WDR1: variants seen among roughly 807,000 people sequenced by gnomAD.
WDR1 encodes the protein WD repeat domain 1.
Under a neutral mutation model 71.9 loss-of-function variants are expected in WDR1, and 21 were observed. The ratio of observed to expected loss-of-function variants is 0.29; its 90% CI spans 0.21 to 0.42. WDR1 has a LOEUF of 0.42. Among genes scored for constraint, WDR1 ranks in the 10% least tolerant of loss-of-function variants. The pLI is 1.00. For synonymous variants in WDR1, 424 were observed against 347.4 expected (o/e 1.22, Z -2.45); for missense variants, 696 against 824.5 (o/e 0.84, Z 1.91).
intron 9 of WDR1, among the ~76,000 whole-genome samples, chr4:10,083,407 C>A (rs1202432537): frequency 6.6e-6 from 1 of 152,178 alleles, no homozygotes; most frequent in Non-Finnish European, 1.5e-5. Context: ...GAAAGGGAGC[C>A]GTGCTGAAGG....
intron 2 of WDR1, among the ~76,000 whole-genome samples, chr4:10,111,056 A>G (rs1305745635): frequency 6.6e-6 from 1 of 152,242 alleles, no homozygotes; most frequent in African/African-American, 2.4e-5. Flanking sequence ...CGCCGCCTTC[A>G]TCTTTGAGCA....
intron 5 of WDR1, among the ~76,000 whole-genome samples, chr4:10,095,213 C>G (rs1177203276): frequency 6.6e-6 from 1 of 152,278 alleles, no homozygotes; most frequent in African/African-American, 2.4e-5. Flanking sequence ...AGCCCAGACT[C>G]AGCCGTCATG....
chr4:10,106,178 T>A (rs1713003127), intron 2 of WDR1, among the ~76,000 whole-genome samples: 1 of 152,164 alleles, frequency 6.6e-6, no homozygotes, highest in African/African-American at 2.4e-5. Flanking sequence ...GTGGTGCTTA[T>A]GGGACTATAT....
intron 9 of WDR1, 51 bp downstream of exon 9, chr4:10,084,392 T>G: frequency 6.4e-7 from 1 of 1,555,906 alleles, no homozygotes; most frequent in Non-Finnish European, 8.8e-7. Flanking sequence ...AACAGGAAAT[T>G]CCCCCCTAGA....
chr4:10,087,761 C>A lies in WDR1; in HGVS notation c.897G>T (p.Gly299=). ...KDHLLSVSLS[G]YINYLDRNNP... is the part of the protein sequence containing the mutation. ...TGTTTCTGTCCAGATAGTTGATGTA[C>A]CCGGACAGGGAGACACTGAGCAGGT... The change falls in exon 8 of 15, where the codon GGG becomes GGT. Residue 299 remains glycine, a synonymous_variant. Coordinates refer to ENST00000499869, the MANE Select transcript of WDR1 (RefSeq NM_017491.5). 1 of 1,602,810 alleles carries A rather than the reference C, an allele frequency of 6.2e-7. No individual in the cohort carries two copies. The highest frequency in any genetic ancestry group is 1.1e-5 in the South Asian group (1 of 88,974).
chr4:10,099,366 C>A (rs1299852575), intron 3 of WDR1, among the ~76,000 whole-genome samples: 1 of 152,238 alleles, frequency 6.6e-6, no homozygotes, highest in South Asian at 2.1e-4. Flanking sequence ...CAGAGGCCTG[C>A]CATTTGGGCC....
intron 2 of WDR1, among the ~76,000 whole-genome samples, chr4:10,111,629 C>G (rs531327547): frequency 6.6e-6 from 1 of 152,196 alleles, no homozygotes; most frequent in Non-Finnish European, 1.5e-5. Flanking sequence ...TCTGGATACA[C>G]GCAGGTAGTC....
rs556160571 is a variant in WDR1 at position 10,080,142 on chromosome 4, T to C, written c.1285-1141A>G. Reference sequence around the variant, plus strand: ...GCACACCACAACCCTACCGGGGTCCTTTCTAACCTCCTGGGCAGCAGGCGC... The same window carrying C: ...GCACACCACAACCCTACCGGGGTCCCTTCTAACCTCCTGGGCAGCAGGCGC... On this transcript the variant is annotated intron_variant, in intron 11 of 14. Transcript: ENST00000499869. Among the ~76,000 whole-genome samples the C allele has an allele frequency of 2.7e-3, 405 of 152,302 alleles. 2 individuals carry two copies. The highest frequency in any genetic ancestry group is 3.1e-3 in the Non-Finnish European group (210 of 68,020).
chr4:10,105,256 G>A (rs1448982614), intron 2 of WDR1, among the ~76,000 whole-genome samples: 1 of 152,112 alleles, frequency 6.6e-6, no homozygotes, highest in African/African-American at 2.4e-5. Context: ...TAGCATTCCT[G>A]TCCATCTCCT....
intron 2 of WDR1, chr4:10,115,898 G>A (rs143603459): frequency 5.0e-6 from 3 of 605,222 alleles, no homozygotes; most frequent in African/African-American, 1.9e-5. Context: ...AACGAACTAA[G>A]ACTCAGTTTC....
At chr4:10,113,511 C>G (rs1193894544) in intron 2 of WDR1, among the ~76,000 whole-genome samples, 1 of 152,228 alleles carries the variant, frequency 6.6e-6, no homozygotes, top group African/African-American at 2.4e-5. Flanking sequence ...GGAGCCGAGG[C>G]CACGGTAAGG....
chr4:10,089,674 C>G (rs1273219238), intron 5 of WDR1, among the ~76,000 whole-genome samples: 2 of 152,248 alleles, frequency 1.3e-5, no homozygotes, highest in Non-Finnish European at 2.9e-5. Flanking sequence ...GCTAACAACT[C>G]TCTTGGCACA....
intron 3 of WDR1, among the ~76,000 whole-genome samples, chr4:10,103,176 C>G (rs768955802): frequency 3.3e-5 from 5 of 152,142 alleles, no homozygotes; most frequent in African/African-American, 1.2e-4. Context: ...ACAAATAAAA[C>G]GTGAGCGCTG....
chr4:10,099,243 C>A, intron 3 of WDR1, 104 bp from the exon 4 acceptor site: 1 of 901,674 alleles, frequency 1.1e-6, no homozygotes, highest in Non-Finnish European at 1.7e-6. Flanking sequence ...GGCCATAGGC[C>A]CACTCAGAAC....
chr4:10,094,992 G>C (rs1022287750), intron 5 of WDR1: 9 of 152,300 alleles, frequency 5.9e-5, no homozygotes, highest in African/African-American at 2.2e-4. Context: ...CTCCCACCTG[G>C]GTAACTAGGG....
At chr4:10,080,078 G>A (rs1764953248) in intron 11 of WDR1, among the ~76,000 whole-genome samples, 1 of 152,166 alleles carries the variant, frequency 6.6e-6, no homozygotes, top group Admixed American at 6.5e-5. Context: ...ACAGAGAAAT[G>A]CCACATGAGG....
At chr4:10,083,635 G>GC (rs774064731) in intron 9 of WDR1, 1 of 484,592 alleles carries the variant, frequency 2.1e-6, no homozygotes, top group Admixed American at 2.1e-5. Flanking sequence ...ACAAAAGGCA[G>GC]TCTCCAACAC....
At chr4:10,101,227 C>T (rs2109683457) in intron 3 of WDR1, among the ~76,000 whole-genome samples, 1 of 152,332 alleles carries the variant, frequency 6.6e-6, no homozygotes, top group African/African-American at 2.4e-5. Context: ...ATGTGGGCTC[C>T]CAGAGTGCCG....
chr4:10,078,795 T>A, intron 12 of WDR1, 96 bp downstream of exon 12: 1 of 1,090,088 alleles, frequency 9.2e-7, no homozygotes, highest in Non-Finnish European at 1.3e-6. Context: ...CCCCTCGCCT[T>A]CCCTGAGACA....
Sources: gnomAD v4.1 joint callset for allele counts (sites outside exome capture counted in the v4.1 genomes callset) on GRCh38, gnomAD v4.1.1 for gene constraint, MANE v1.5 for transcripts, NCBI Gene and HGNC (gene_info 2026-07-23, HGNC 2026-07-21) for gene names.